STPG2: variants seen among roughly 807,000 people sequenced by gnomAD.
STPG2 encodes sperm-tail PG-rich repeat-containing protein 2.
A neutral mutation model predicts 54.2 loss-of-function variants in STPG2; 56 were observed. The observed-to-expected ratio is 1.03, with a 90% CI of 0.83 to 1.29. STPG2 has a LOEUF of 1.29. Among genes scored for constraint, STPG2 ranks in the 50% most tolerant of loss-of-function variants. The pLI, the probability that STPG2 is intolerant of heterozygous loss-of-function variation, is 0.00. For synonymous variants in STPG2, 200 were observed against 181.8 expected (o/e 1.10, Z -0.81); for missense variants, 596 against 544.9 (o/e 1.09, Z -0.93).
chr4:97,796,464 T>C (rs939418778), intron 9 of STPG2, among the ~76,000 whole-genome samples: 2 of 152,184 alleles, frequency 1.3e-5, no homozygotes, highest in Admixed American at 6.5e-5. Context: ...GGGAATCCTT[T>C]CCCCATTTCT....
chr4:97,817,229 A>T (rs1727945404), intron 9 of STPG2, among the ~76,000 whole-genome samples: 1 of 149,942 alleles, frequency 6.7e-6, no homozygotes, highest in Non-Finnish European at 1.5e-5. Flanking sequence ...TGAAGATTCA[A>T]TTAGTGTGTA....
At chr4:98,095,166 C>CA (rs1738814433) in intron 5 of STPG2, among the ~76,000 whole-genome samples, 1 of 151,880 alleles carries the variant, frequency 6.6e-6, no homozygotes, top group Non-Finnish European at 1.5e-5. Flanking sequence ...AGCCTCAAAT[C>CA]AAAAAACATA....
intron 10 of STPG2, among the ~76,000 whole-genome samples, chr4:97,648,099 T>A (rs1314246235): frequency 6.6e-6 from 1 of 152,140 alleles, no homozygotes; most frequent in Non-Finnish European, 1.5e-5. Flanking sequence ...GCTGGCGTGG[T>A]CTGAAGTAAT....
intron 10 of STPG2, among the ~76,000 whole-genome samples, chr4:97,639,637 C>G (rs1243134114): frequency 2.0e-5 from 3 of 151,796 alleles, no homozygotes; most frequent in Admixed American, 6.6e-5. Context: ...GAAAGGAATA[C>G]AAACATTTAT....
intron 4 of STPG2, among the ~76,000 whole-genome samples, chr4:97,478,912 TGTG>T (rs1730147638): frequency 6.7e-6 from 1 of 149,324 alleles, no homozygotes; most frequent in Non-Finnish European, 1.5e-5. Flanking sequence ...TGTGTGTGTG[TGTG>T]TGTGTACTTT....
At chr4:97,742,579 G>T (rs1725293511) in intron 9 of STPG2, among the ~76,000 whole-genome samples, 1 of 124,346 alleles carries the variant, frequency 8.0e-6, no homozygotes, top group South Asian at 2.7e-4. Flanking sequence ...ATATATATAT[G>T]GAATACTATC....
chr4:97,521,427 A>G (rs1208505156), intron 4 of STPG2, among the ~76,000 whole-genome samples: 1 of 152,056 alleles, frequency 6.6e-6, no homozygotes, highest in African/African-American at 2.4e-5. Context: ...AGAAACAAGT[A>G]TTAGAAGGTT....
intron 10 of STPG2, among the ~76,000 whole-genome samples, chr4:97,566,104 A>T (rs957756598): frequency 2.6e-5 from 4 of 152,190 alleles, no homozygotes; most frequent in African/African-American, 7.2e-5. Context: ...TCGAGCTTCC[A>T]GGCTGCTTTG....
chr4:97,502,926 C>T (rs547489987), intron 4 of STPG2, among the ~76,000 whole-genome samples: 4 of 151,894 alleles, frequency 2.6e-5, no homozygotes, highest in Non-Finnish European at 5.9e-5. Flanking sequence ...CTTACTTCCT[C>T]CAATTGAAGC....
chr4:98,060,763 A>G (rs1737626107), intron 5 of STPG2, among the ~76,000 whole-genome samples: 2 of 152,110 alleles, frequency 1.3e-5, no homozygotes, highest in South Asian at 4.1e-4. Flanking sequence ...ATCAGACTCC[A>G]CCACCTAAAA....
At chr4:97,572,265 C>A (rs890057076) in intron 10 of STPG2, among the ~76,000 whole-genome samples, 2 of 152,168 alleles carry the variant, frequency 1.3e-5, no homozygotes, top group African/African-American at 4.8e-5. Flanking sequence ...CCTGTACTCT[C>A]AAGATACAGC....
At chr4:98,142,577 AC>A (rs1740329353) in intron 1 of STPG2, among the ~76,000 whole-genome samples, 1 of 152,196 alleles carries the variant, frequency 6.6e-6, no homozygotes, top group African/African-American at 2.4e-5. Flanking sequence ...TGAAAAAAAA[AC>A]GGAACTATCT....
At chr4:97,722,126 T>C (rs1578507019) in intron 9 of STPG2, among the ~76,000 whole-genome samples, 1 of 151,850 alleles carries the variant, frequency 6.6e-6, no homozygotes, top group East Asian at 1.9e-4. Flanking sequence ...ATTTGGTCTT[T>C]GCTTCAGCAA....
chr4:97,750,759 A>G (rs1725559427), intron 9 of STPG2, among the ~76,000 whole-genome samples: 1 of 151,802 alleles, frequency 6.6e-6, no homozygotes, highest in Non-Finnish European at 1.5e-5. Context: ...GAAAAGAAGC[A>G]GAGAGAAAAG....
chr4:97,587,534 G>T (rs1461992348), intron 10 of STPG2, among the ~76,000 whole-genome samples: 1 of 151,942 alleles, frequency 6.6e-6, no homozygotes, highest in Admixed American at 6.6e-5. Flanking sequence ...AACATTAACA[G>T]TTGAGGTGGG....
At chr4:97,526,090 C>G (rs1240785856) in intron 4 of STPG2, among the ~76,000 whole-genome samples, 1 of 152,004 alleles carries the variant, frequency 6.6e-6, no homozygotes, top group Non-Finnish European at 1.5e-5. Flanking sequence ...CAACACACTG[C>G]TTAGCAGTAA....
At chr4:97,794,383 G>A (rs1727100834) in intron 9 of STPG2, among the ~76,000 whole-genome samples, 1 of 152,014 alleles carries the variant, frequency 6.6e-6, no homozygotes, top group African/African-American at 2.4e-5. Context: ...AATGTATTCA[G>A]GTAACCAATG....
intron 8 of STPG2, among the ~76,000 whole-genome samples, chr4:97,904,433 C>T (rs557778148): frequency 6.6e-6 from 1 of 152,156 alleles, no homozygotes; most frequent in African/African-American, 2.4e-5. Context: ...GAAAGGATAT[C>T]CACACCAAAA....
At position 97,649,043 on chromosome 4, in the gene STPG2, C is replaced by T. The variant is rs72890883; in HGVS notation, c.1320+63656G>A. ...ACTTGACTTCTTTTTTCACTAAAAGCTAGATGTAATTACAGAACTCCTCAC... is the reference window on the plus strand; with the variant it reads ...ACTTGACTTCTTTTTTCACTAAAAGTTAGATGTAATTACAGAACTCCTCAC... On this transcript the variant is annotated intron_variant, in intron 10 of 10. Coordinates refer to ENST00000295268, the MANE Select transcript of STPG2 (RefSeq NM_174952.3). Among the ~76,000 whole-genome samples, 449 of 152,152 alleles carry T rather than the reference C, an allele frequency of 3.0e-3. 2 individuals carry two copies. The highest frequency in any genetic ancestry group is 0.01 in the African/African-American group (434 of 41,530).
Sources: gnomAD v4.1 joint callset for allele counts (sites outside exome capture counted in the v4.1 genomes callset) on GRCh38, gnomAD v4.1.1 for gene constraint, MANE v1.5 for transcripts, NCBI Gene and HGNC (gene_info 2026-07-23, HGNC 2026-07-21) for gene names.